TTC7B: variants seen among roughly 807,000 people sequenced by gnomAD.
TTC7B encodes the protein tetratricopeptide repeat domain 7B, also known as tetratricopeptide repeat protein 7B.
A neutral mutation model predicts 106.8 loss-of-function variants in TTC7B; 28 were observed. That is an observed-to-expected ratio of 0.26 (90% CI 0.19 to 0.36). The LOEUF (loss-of-function observed/expected upper bound fraction) is 0.36. TTC7B is among the 10% of genes least tolerant of loss of function. The pLI is 1.00. For missense variants in TTC7B, 862 were observed against 1,076.4 expected (o/e 0.80, Z 2.79); for synonymous variants, 405 against 430.6 (o/e 0.94, Z 0.74).
intron 7 of TTC7B, among the ~76,000 whole-genome samples, chr14:90,686,475 G>A (rs1887256019): frequency 6.6e-6 from 1 of 152,040 alleles, no homozygotes; most frequent in Non-Finnish European, 1.5e-5. Context: ...TTCTAGCCAG[G>A]ACAATTAAGG....
intron 9 of TTC7B, among the ~76,000 whole-genome samples, chr14:90,659,870 A>G (rs1368037639): frequency 6.6e-6 from 1 of 152,178 alleles, no homozygotes; most frequent in Non-Finnish European, 1.5e-5. Context: ...ATGCAGAGTG[A>G]AGACTCTGGG....
intron 15 of TTC7B, among the ~76,000 whole-genome samples, chr14:90,630,838 G>GTTTTTTT (rs139299361): frequency 1.1e-5 from 1 of 92,630 alleles, no homozygotes; most frequent in Admixed American, 1.3e-4. Flanking sequence ...CTTGTTTTTT[G>GTTTTTTT]TTTTTTTTTT....
At chr14:90,633,695 T>A (rs968571077) in intron 15 of TTC7B, among the ~76,000 whole-genome samples, 4 of 152,118 alleles carry the variant, frequency 2.6e-5, no homozygotes, top group Non-Finnish European at 4.4e-5. Flanking sequence ...TTCTACCTTT[T>A]TGGGCCAATG....
intron 19 of TTC7B, among the ~76,000 whole-genome samples, chr14:90,549,566 C>A (rs534811764): frequency 1.3e-5 from 2 of 152,126 alleles, no homozygotes; most frequent in African/African-American, 4.8e-5. Context: ...AAAGGTGCTA[C>A]AGGCCCTGGC....
At position 90,525,725 on chromosome 14, in the gene TTC7B, G is replaced by A. The variant is rs1030739916; in HGVS notation, c.*15643C>T. ...AACCCAGTTGACTAATATTTGGGTC[G>A]GTGGAGCCCGAATAATACAATAAGA... On this transcript the variant is annotated 3_prime_UTR_variant, in exon 20 of 20. Transcript: ENST00000328459. 1 of 148,768 alleles carries A rather than the reference G, an allele frequency of 6.7e-6. No individual in the cohort carries two copies. The highest frequency in any genetic ancestry group is 1.5e-5 in the Non-Finnish European group (1 of 67,308). 9.2% of individuals were successfully genotyped at this position (148,768 alleles called of 1,614,324 possible).
chr14:90,632,452 A>T (rs1478241149), intron 15 of TTC7B, among the ~76,000 whole-genome samples: 3 of 151,992 alleles, frequency 2.0e-5, no homozygotes, highest in East Asian at 3.8e-4. Flanking sequence ...GTAATGATTT[A>T]AAAAAAAATT....
chr14:90,774,175 G>A (rs571998824), intron 3 of TTC7B, among the ~76,000 whole-genome samples: 13 of 152,218 alleles, frequency 8.5e-5, no homozygotes, highest in East Asian at 1.9e-4. Context: ...GAACCCGACC[G>A]AGATGTCTGA....
intron 17 of TTC7B, among the ~76,000 whole-genome samples, chr14:90,604,733 G>A (rs1442230212): frequency 6.6e-6 from 1 of 152,030 alleles, no homozygotes; most frequent in Non-Finnish European, 1.5e-5. Flanking sequence ...GGGCTCCCCG[G>A]GTCAGATTCA....
At chr14:90,551,712 T>C (rs1401783554) in intron 19 of TTC7B, among the ~76,000 whole-genome samples, 1 of 152,216 alleles carries the variant, frequency 6.6e-6, no homozygotes, top group Non-Finnish European at 1.5e-5. Flanking sequence ...AAGGGTTTCC[T>C]TGGAGCAGCT....
At chr14:90,804,350 GAA>G (rs2030473568) in intron 1 of TTC7B, among the ~76,000 whole-genome samples, 1 of 151,718 alleles carries the variant, frequency 6.6e-6, no homozygotes, top group Non-Finnish European at 1.5e-5. Flanking sequence ...AAAAAGAAAA[GAA>G]AAGAAAAGAA....
At chr14:90,766,146 T>TTG (rs1339019175) in intron 3 of TTC7B, among the ~76,000 whole-genome samples, 39 of 151,874 alleles carry the variant, frequency 2.6e-4, no homozygotes, top group African/African-American at 9.4e-4. Flanking sequence ...TTTTTTTTTT[T>TTG]TTTTAATAAA....
At chr14:90,640,110 C>A (rs919724818) in intron 15 of TTC7B, among the ~76,000 whole-genome samples, 1 of 152,076 alleles carries the variant, frequency 6.6e-6, no homozygotes, top group African/African-American at 2.4e-5. Flanking sequence ...GAAACCCCAT[C>A]ACTACAAAAA....
At chr14:90,603,400 C>T in intron 17 of TTC7B, 1 of 751,734 alleles carries the variant, frequency 1.3e-6, no homozygotes, top group South Asian at 1.6e-5. Context: ...TTCTAATAAC[C>T]TTCCAACTGT....
Position 90,535,665 on chromosome 14 carries a change from T to A in TTC7B, c.*5703A>T, listed in dbSNP as rs1047400512. 1.3e-5 allele frequency: 2 copies of A among 152,378 alleles called. No homozygotes were observed. The highest frequency in any genetic ancestry group is 2.9e-5 in the Non-Finnish European group (2 of 68,146). 9.4% of individuals were successfully genotyped at this position (152,378 alleles called of 1,614,324 possible). ...TACGCTCTTGAAAGAGACTTCACCTTTTCCTCCCCCTTGAGCCCACTCCAA... is the reference window on the plus strand; with the variant it reads ...TACGCTCTTGAAAGAGACTTCACCTATTCCTCCCCCTTGAGCCCACTCCAA... On this transcript the variant is annotated 3_prime_UTR_variant, in exon 20 of 20. Transcript: ENST00000328459.
intron 19 of TTC7B, among the ~76,000 whole-genome samples, chr14:90,563,538 G>A (rs1229448895): frequency 2.0e-5 from 3 of 152,218 alleles, no homozygotes; most frequent in African/African-American, 7.2e-5. Flanking sequence ...GCTGCTGACT[G>A]ATCAGGGTGG....
intron 19 of TTC7B, among the ~76,000 whole-genome samples, chr14:90,546,615 C>T (rs1889843226): frequency 6.6e-6 from 1 of 152,200 alleles, no homozygotes; most frequent in African/African-American, 2.4e-5. Flanking sequence ...AGCCACACTG[C>T]CCCCAACCAG....
In TTC7B at chr14:90,535,892, G is replaced by A. The variant is rs533490524; in HGVS notation, c.*5476C>T. 58 of 152,510 alleles carry A rather than the reference G, an allele frequency of 3.8e-4. No individual in the cohort carries two copies. The highest frequency in any genetic ancestry group is 6.5e-4 in the Non-Finnish European group (44 of 68,156). The allele number at this position is 152,510 out of a possible 1,614,324, so 9.4% of individuals were successfully genotyped here. A position where few individuals can be genotyped will look rare whatever the true frequency, so the allele number is the denominator to read the frequency against. On this transcript the variant is annotated 3_prime_UTR_variant, in exon 20 of 20. Coordinates refer to ENST00000328459, the MANE Select transcript of TTC7B (RefSeq NM_001010854.2). ...TCCGTGTGTCCTGGCGTGGCTGAGC[G>A]TGAGCTCACTTGCACTTTAGAGTTT... is the stretch of plus-strand genomic sequence containing the variant.
At chr14:90,616,565 G>C (rs1288403746) in intron 16 of TTC7B, among the ~76,000 whole-genome samples, 2 of 152,158 alleles carry the variant, frequency 1.3e-5, no homozygotes, top group Non-Finnish European at 2.9e-5. Flanking sequence ...GGGCTGGACA[G>C]CTCATGGCTT....
At chr14:90,782,207 G>C (rs956176218) in intron 2 of TTC7B, among the ~76,000 whole-genome samples, 21 of 152,092 alleles carry the variant, frequency 1.4e-4, no homozygotes, top group Non-Finnish European at 5.9e-5. Context: ...AGGACTGATG[G>C]GAGCAAAAGT....
Sources: allele counts gnomAD v4.1 joint callset (sites outside exome capture counted in the v4.1 genomes callset), GRCh38; gene constraint gnomAD v4.1.1; transcripts MANE v1.5; gene names NCBI Gene and HGNC (gene_info 2026-07-23, HGNC 2026-07-21).